The following ELMO1 variants were observed in gnomAD, a reference collection of about 807,000 sequenced individuals.
ELMO1 encodes the protein engulfment and cell motility 1, also known as engulfment and cell motility protein 1.
In ELMO1, 26 loss-of-function variants were observed where a neutral mutation model predicts 98.9. The observed-to-expected ratio is 0.26, with a 90% CI of 0.19 to 0.36. ELMO1 has a LOEUF of 0.36. Among genes scored for constraint, ELMO1 ranks in the 10% least tolerant of loss-of-function variants. The pLI is 1.00. For synonymous variants in ELMO1, 346 were observed against 346.0 expected (o/e 1.00, Z 0.00); for missense variants, 627 against 935.2 (o/e 0.67, Z 4.30).
intron 4 of ELMO1, among the ~76,000 whole-genome samples, chr7:37,283,046 T>C (rs1471663751): frequency 6.6e-6 from 1 of 152,196 alleles, no homozygotes; most frequent in Non-Finnish European, 1.5e-5. Flanking sequence ...CTGCAATAAA[T>C]GGTTTGCTCT....
intron 21 of ELMO1, among the ~76,000 whole-genome samples, chr7:36,857,316 C>T (rs1802276972): frequency 6.6e-6 from 1 of 152,218 alleles, no homozygotes; most frequent in African/African-American, 2.4e-5. Context: ...AGACACCTAG[C>T]TCCTACCTTG....
chr7:37,426,501 G>C (rs529630937), intron 1 of ELMO1, among the ~76,000 whole-genome samples: 7 of 152,108 alleles, frequency 4.6e-5, no homozygotes, highest in African/African-American at 1.4e-4. Flanking sequence ...TTCAAAAAAG[G>C]CCTGAAGTGA....
chr7:37,317,548 G>C (rs1158791407), intron 2 of ELMO1, among the ~76,000 whole-genome samples: 2 of 152,206 alleles, frequency 1.3e-5, no homozygotes, highest in African/African-American at 2.4e-5. Context: ...AAGCCATTAT[G>C]TTAAGTGAAA....
chr7:37,027,849 A>C (rs189994376), intron 15 of ELMO1, among the ~76,000 whole-genome samples: 40 of 152,270 alleles, frequency 2.6e-4, no homozygotes, highest in Admixed American at 2.4e-3. Context: ...TTACCAAAAA[A>C]AAAAAGGAAT....
At chr7:37,038,993 T>G (rs1407103792) in intron 15 of ELMO1, among the ~76,000 whole-genome samples, 1 of 152,184 alleles carries the variant, frequency 6.6e-6, no homozygotes, top group African/African-American at 2.4e-5. Flanking sequence ...ACATTGCCAG[T>G]TAGAACTTCA....
chr7:37,178,471 T>A (rs1584769125), intron 13 of ELMO1, among the ~76,000 whole-genome samples: 1 of 149,246 alleles, frequency 6.7e-6, no homozygotes, highest in Non-Finnish European at 1.5e-5. Context: ...CCAGGCATGG[T>A]GGCGCCTGTA....
At chr7:37,324,053 C>T (rs1485756805) in intron 2 of ELMO1, among the ~76,000 whole-genome samples, 2 of 152,160 alleles carry the variant, frequency 1.3e-5, no homozygotes, top group African/African-American at 4.8e-5. Flanking sequence ...GCCAGTCCAG[C>T]CTTCCTGGAA....
intron 1 of ELMO1, among the ~76,000 whole-genome samples, chr7:37,408,905 G>A (rs1315362257): frequency 6.6e-6 from 1 of 152,102 alleles, no homozygotes; most frequent in Non-Finnish European, 1.5e-5. Flanking sequence ...TAAATTTTGT[G>A]TTGCTTTTTA....
At chr7:37,307,390 C>T (rs911933069) in intron 4 of ELMO1, among the ~76,000 whole-genome samples, 4 of 152,182 alleles carry the variant, frequency 2.6e-5, no homozygotes, top group African/African-American at 9.7e-5. Context: ...CTCCTTGCTG[C>T]CTCCATGTGA....
intron 13 of ELMO1, among the ~76,000 whole-genome samples, chr7:37,176,304 C>A (rs1240551089): frequency 2.6e-5 from 4 of 152,150 alleles, no homozygotes; most frequent in African/African-American, 9.7e-5. Context: ...TTATTGTCAC[C>A]TCCTCCCTAT....
At chr7:37,404,182 G>A (rs1407615169) in intron 1 of ELMO1, among the ~76,000 whole-genome samples, 2 of 151,864 alleles carry the variant, frequency 1.3e-5, no homozygotes, top group African/African-American at 2.4e-5. Context: ...TTCATTTTAA[G>A]GTATGCATGG....
intron 1 of ELMO1, among the ~76,000 whole-genome samples, chr7:37,395,202 C>A (rs1190793380): frequency 6.6e-6 from 1 of 151,916 alleles, no homozygotes; most frequent in Non-Finnish European, 1.5e-5. Flanking sequence ...CCCGTCTCTA[C>A]TAAAATAATA....
chr7:36,878,195 C>T, intron 18 of ELMO1, 78 bp from the exon 19 acceptor site: 4 of 1,097,668 alleles, frequency 3.6e-6, no homozygotes, highest in Admixed American at 3.9e-5. Context: ...TCTTAATACT[C>T]TTGCCTGGAG....
chr7:37,099,151 A>AC (rs1444308428), intron 14 of ELMO1, among the ~76,000 whole-genome samples: 24 of 152,164 alleles, frequency 1.6e-4, no homozygotes, highest in African/African-American at 5.5e-4. Context: ...TTTTTAATGC[A>AC]CCATCCATCT....
chr7:36,917,960 A>T (rs113372020), intron 16 of ELMO1, among the ~76,000 whole-genome samples: 1 of 152,220 alleles, frequency 6.6e-6, no homozygotes, highest in African/African-American at 2.4e-5. Flanking sequence ...AAAAATAAGC[A>T]TTCTTACTTT....
At chr7:37,211,182 A>T in intron 13 of ELMO1, 1 of 648,768 alleles carries the variant, frequency 1.5e-6, no homozygotes, top group South Asian at 2.0e-5. Context: ...AGTATTAGTC[A>T]CACTTGTGCA....
chr7:37,431,398 G>A (rs965006883), intron 1 of ELMO1, among the ~76,000 whole-genome samples: 9 of 152,074 alleles, frequency 5.9e-5, no homozygotes, highest in Non-Finnish European at 1.2e-4. Flanking sequence ...CTATACTATT[G>A]GCTAGATGAT....
At chr7:37,302,742 T>A (rs1337208253) in intron 4 of ELMO1, among the ~76,000 whole-genome samples, 3 of 152,286 alleles carry the variant, frequency 2.0e-5, no homozygotes, top group Non-Finnish European at 4.4e-5. Flanking sequence ...TAAGTAATCA[T>A]CTCTACTGAT....
intron 13 of ELMO1, among the ~76,000 whole-genome samples, chr7:37,160,863 G>GACATAGGGGGCA (rs1789151248): frequency 6.6e-6 from 1 of 152,174 alleles, no homozygotes; most frequent in African/African-American, 2.4e-5. Flanking sequence ...GGGAGGAGCA[G>GACATAGGGGGCA]ACATAGGGGG....
Sources: gnomAD v4.1 joint callset for allele counts (sites outside exome capture counted in the v4.1 genomes callset) on GRCh38, gnomAD v4.1.1 for gene constraint, MANE v1.5 for transcripts, NCBI Gene and HGNC (gene_info 2026-07-23, HGNC 2026-07-21) for gene names.